PAK5: variants seen among roughly 807,000 people sequenced by gnomAD.
PAK5 encodes serine/threonine-protein kinase PAK 5.
A neutral mutation model predicts 65.9 loss-of-function variants in PAK5; 16 were observed. That is an observed-to-expected ratio of 0.24 (90% CI 0.16 to 0.37). The LOEUF (loss-of-function observed/expected upper bound fraction) is 0.37, where lower values mean the gene tolerates loss of function less well. PAK5 is among the 10% of genes least tolerant of loss of function. The pLI, the probability that PAK5 is intolerant of heterozygous loss-of-function variation, is 1.00. For synonymous variants in PAK5, 371 were observed against 354.9 expected, an observed-to-expected ratio of 1.05 and a Z score of -0.51; for missense variants, 785 against 903.9, an observed-to-expected ratio of 0.87 and a Z score of 1.69.
intron 3 of PAK5, among the ~76,000 whole-genome samples, chr20:9,639,590 C>A (rs1368900044): frequency 6.6e-6 from 1 of 152,220 alleles, no homozygotes; most frequent in Non-Finnish European, 1.5e-5. Context: ...CCAGAACCTG[C>A]TCTATACTTG....
intron 3 of PAK5, among the ~76,000 whole-genome samples, chr20:9,586,786 G>A (rs1192356770): frequency 6.6e-6 from 1 of 152,052 alleles, no homozygotes; most frequent in East Asian, 1.9e-4. Flanking sequence ...CTCTTTCTGT[G>A]CACTTGTCAC....
intron 3 of PAK5, among the ~76,000 whole-genome samples, chr20:9,641,204 C>T (rs1018706889): frequency 4.6e-5 from 7 of 151,872 alleles, no homozygotes; most frequent in African/African-American, 1.5e-4. Context: ...TACAGAGTGT[C>T]GATTGGTGCA....
intron 2 of PAK5, among the ~76,000 whole-genome samples, chr20:9,645,413 CT>C: frequency 6.6e-6 from 1 of 152,312 alleles, no homozygotes; most frequent in Non-Finnish European, 1.5e-5. Flanking sequence ...CAGATAATTG[CT>C]TTTTTCCTCT....
chr20:9,733,380 C>T (rs2048353923), intron 1 of PAK5, among the ~76,000 whole-genome samples: 1 of 133,006 alleles, frequency 7.5e-6, no homozygotes, highest in Non-Finnish European at 1.6e-5. Flanking sequence ...CACATAGTTA[C>T]CAATCTCTCT....
intron 3 of PAK5, among the ~76,000 whole-genome samples, chr20:9,628,381 T>C (rs1306550898): frequency 1.3e-5 from 2 of 152,234 alleles, no homozygotes; most frequent in Non-Finnish European, 2.9e-5. Context: ...TGCCTCTTTG[T>C]AAAGTTACTA....
At chr20:9,799,856 G>T (rs1225591723) in intron 1 of PAK5, among the ~76,000 whole-genome samples, 1 of 141,840 alleles carries the variant, frequency 7.1e-6, no homozygotes, top group East Asian at 2.2e-4. Flanking sequence ...TGGGAGGATT[G>T]CTTGAGCCCA....
At chr20:9,689,366 C>T (rs910451217) in intron 2 of PAK5, among the ~76,000 whole-genome samples, 1 of 152,190 alleles carries the variant, frequency 6.6e-6, no homozygotes, top group African/African-American at 2.4e-5. Flanking sequence ...CAATTACCTG[C>T]ATTTGGTGTT....
chr20:9,743,843 G>A (rs2036850481), intron 1 of PAK5, among the ~76,000 whole-genome samples: 1 of 152,184 alleles, frequency 6.6e-6, no homozygotes, highest in African/African-American at 2.4e-5. Context: ...GAACGCATAA[G>A]TTTTACCTTA....
At chr20:9,793,614 C>A (rs544162493) in intron 1 of PAK5, among the ~76,000 whole-genome samples, 9 of 151,928 alleles carry the variant, frequency 5.9e-5, no homozygotes, top group Non-Finnish European at 1.2e-4. Context: ...AAATGCAAAT[C>A]AAAATCATAA....
chr20:9,559,321 A>T (rs2045559136), intron 6 of PAK5, among the ~76,000 whole-genome samples: 1 of 152,230 alleles, frequency 6.6e-6, no homozygotes, highest in Non-Finnish European at 1.5e-5. Context: ...AAACTCCAGT[A>T]ATCCCAGGTA....
chr20:9,805,232 GA>G (rs1047087043), intron 1 of PAK5, among the ~76,000 whole-genome samples: 1 of 152,238 alleles, frequency 6.6e-6, no homozygotes, highest in Non-Finnish European at 1.5e-5. Context: ...AACAAGTGTT[GA>G]CAAGGATGTG....
chr20:9,819,062 A>G (rs536288656), intron 1 of PAK5, among the ~76,000 whole-genome samples: 1 of 152,312 alleles, frequency 6.6e-6, no homozygotes, highest in Non-Finnish European at 1.5e-5. Flanking sequence ...CCAAAGAAAG[A>G]AAGCATCAGG....
chr20:9,829,453 A>G (rs1396524911), intron 1 of PAK5, among the ~76,000 whole-genome samples: 1 of 152,180 alleles, frequency 6.6e-6, no homozygotes, highest in Non-Finnish European at 1.5e-5. Flanking sequence ...GCCTTGAGTG[A>G]CCTATTTTAT....
At chr20:9,750,352 T>A (rs1955826249) in intron 1 of PAK5, among the ~76,000 whole-genome samples, 1 of 152,126 alleles carries the variant, frequency 6.6e-6, no homozygotes, top group African/African-American at 2.4e-5. Context: ...GGCTCTAATT[T>A]TAAAATTATA....
intron 1 of PAK5, among the ~76,000 whole-genome samples, chr20:9,799,939 C>CAAAAAAAAAAAAAAAAAAAAAAAAA (rs71331383): frequency 2.3e-5 from 1 of 43,660 alleles, no homozygotes; most frequent in Non-Finnish European, 4.5e-5. Context: ...ACTCTGTCTC[C>CAAAAAAAAAAAAAAAAAAAAAAAAA]AAAAAAAAAA....
intron 1 of PAK5, among the ~76,000 whole-genome samples, chr20:9,817,814 T>C (rs1039598291): frequency 6.6e-6 from 1 of 152,144 alleles, no homozygotes; most frequent in African/African-American, 2.4e-5. Context: ...TTGCACACAC[T>C]CTATGATTTA....
At chr20:9,826,442 G>A (rs914041883) in intron 1 of PAK5, among the ~76,000 whole-genome samples, 13 of 152,030 alleles carry the variant, frequency 8.6e-5, no homozygotes, top group African/African-American at 2.2e-4. Flanking sequence ...TGATTCTTTC[G>A]ACCAGTGTAG....
chr20:9,817,670 T>G (rs2049373487), intron 1 of PAK5, among the ~76,000 whole-genome samples: 1 of 152,214 alleles, frequency 6.6e-6, no homozygotes, highest in Non-Finnish European at 1.5e-5. Context: ...AATATTTTTT[T>G]AATGCTTAGG....
At chr20:9,651,379 T>C (rs943554295) in intron 2 of PAK5, among the ~76,000 whole-genome samples, 2 of 152,192 alleles carry the variant, frequency 1.3e-5, no homozygotes, top group African/African-American at 4.8e-5. Context: ...GTGGCTGAAG[T>C]GCCATCTCTC....
Sources: allele counts gnomAD v4.1 joint callset (sites outside exome capture counted in the v4.1 genomes callset), GRCh38; gene constraint gnomAD v4.1.1; transcripts MANE v1.5; gene names NCBI Gene and HGNC (gene_info 2026-07-23, HGNC 2026-07-21).